The following CTNNA3 variants were observed in gnomAD, a reference collection of about 807,000 sequenced individuals.
CTNNA3 encodes catenin alpha 3.
CTNNA3 carries 76 observed loss-of-function variants against 95.7 expected under a neutral mutation model. The ratio of observed to expected loss-of-function variants is 0.79; its 90% CI spans 0.66 to 0.96. The LOEUF is 0.96. Ranked by LOEUF, CTNNA3 falls within the 40% of genes least tolerant of loss-of-function variation. The pLI is 0.00. For missense variants in CTNNA3, 1,191 were observed against 1,089.8 expected (o/e 1.09, Z -1.31); for synonymous variants, 431 against 374.4 (o/e 1.15, Z -1.74).
chr10:66,597,549 TATATA>T (rs1564558088), intron 10 of CTNNA3, among the ~76,000 whole-genome samples: 1 of 130,482 alleles, frequency 7.7e-6, no homozygotes, highest in African/African-American at 2.8e-5. Flanking sequence ...TATATATATA[TATATA>T]TTTATTAAAA....
At chr10:66,489,771 C>T (rs1454722206) in intron 11 of CTNNA3, among the ~76,000 whole-genome samples, 1 of 152,168 alleles carries the variant, frequency 6.6e-6, no homozygotes, top group Non-Finnish European at 1.5e-5. Flanking sequence ...AGTCTCCAAA[C>T]CCACTGGATT....
At chr10:67,393,569 T>C (rs1288713212) in intron 5 of CTNNA3, among the ~76,000 whole-genome samples, 1 of 152,096 alleles carries the variant, frequency 6.6e-6, no homozygotes, top group Non-Finnish European at 1.5e-5. Flanking sequence ...TTTCTTCAGG[T>C]GATATACTAG....
intron 11 of CTNNA3, among the ~76,000 whole-genome samples, chr10:66,395,044 A>G (rs1056870902): frequency 3.3e-5 from 5 of 152,038 alleles, no homozygotes; most frequent in Admixed American, 3.3e-4. Flanking sequence ...ATAAGTATAT[A>G]CACAGCTCAA....
chr10:66,832,177 C>G (rs942346249), intron 7 of CTNNA3, among the ~76,000 whole-genome samples: 1 of 152,190 alleles, frequency 6.6e-6, no homozygotes, highest in Non-Finnish European at 1.5e-5. Context: ...AAACTACACT[C>G]ATTTTGGCAG....
intron 5 of CTNNA3, among the ~76,000 whole-genome samples, chr10:67,359,039 A>G (rs1842911855): frequency 6.6e-6 from 1 of 152,126 alleles, no homozygotes; most frequent in South Asian, 2.1e-4. Flanking sequence ...CCTAGATGAC[A>G]CCACGAAAAC....
chr10:67,685,661 G>T (rs1840716961), intron 1 of CTNNA3, among the ~76,000 whole-genome samples: 1 of 152,228 alleles, frequency 6.6e-6, no homozygotes, highest in East Asian at 1.9e-4. Context: ...GAGTGTTATA[G>T]GGTTACAGAG....
At chr10:66,929,762 G>A (rs1409435429) in intron 7 of CTNNA3, among the ~76,000 whole-genome samples, 2 of 152,218 alleles carry the variant, frequency 1.3e-5, no homozygotes, top group Non-Finnish European at 2.9e-5. Context: ...CTGCATGCAT[G>A]TTTTTATGTC....
At chr10:66,417,695 G>A (rs190564284) in intron 11 of CTNNA3, among the ~76,000 whole-genome samples, 4 of 151,712 alleles carry the variant, frequency 2.6e-5, no homozygotes, top group African/African-American at 4.8e-5. Context: ...GATCACAGTG[G>A]AATAAAACAA....
intron 1 of CTNNA3, among the ~76,000 whole-genome samples, chr10:67,705,520 T>C (rs1841072680): frequency 6.7e-6 from 1 of 148,442 alleles, no homozygotes; most frequent in Non-Finnish European, 1.5e-5. Context: ...CAGTAAACTA[T>C]CGCAAGAACA....
chr10:67,066,146 C>T (rs182511006), intron 7 of CTNNA3, among the ~76,000 whole-genome samples: 216 of 150,636 alleles, frequency 1.4e-3, no homozygotes, highest in Middle Eastern at 3.6e-3. Context: ...ATACCATCAC[C>T]AGTGCTCGTT....
At chr10:67,512,466 G>T (rs375799875) in intron 5 of CTNNA3, among the ~76,000 whole-genome samples, 1 of 152,204 alleles carries the variant, frequency 6.6e-6, no homozygotes, top group African/African-American at 2.4e-5. Context: ...ATTCATGATA[G>T]TCAAGGTATA....
chr10:66,100,345 T>A (rs2081571201), intron 14 of CTNNA3, among the ~76,000 whole-genome samples: 1 of 152,156 alleles, frequency 6.6e-6, no homozygotes. Context: ...ACTGAGCAGT[T>A]ATCAGAGGGA....
chr10:67,190,483 T>C (rs1343623633), intron 6 of CTNNA3, among the ~76,000 whole-genome samples: 1 of 151,938 alleles, frequency 6.6e-6, no homozygotes, highest in Non-Finnish European at 1.5e-5. Flanking sequence ...AAGTTTTAAT[T>C]TTTTAATAAC....
At chr10:67,372,679 T>G (rs1843524739) in intron 5 of CTNNA3, among the ~76,000 whole-genome samples, 1 of 152,120 alleles carries the variant, frequency 6.6e-6, no homozygotes, top group Non-Finnish European at 1.5e-5. Context: ...AATTGTCAGA[T>G]TCACCAAAGT....
chr10:67,598,898 T>C (rs1291929307), intron 3 of CTNNA3, among the ~76,000 whole-genome samples: 4 of 152,112 alleles, frequency 2.6e-5, no homozygotes, highest in Admixed American at 2.6e-4. Context: ...CATGAATTTT[T>C]CTAAAATTGG....
At chr10:66,540,418 A>T (rs548410420) in intron 10 of CTNNA3, among the ~76,000 whole-genome samples, 1 of 152,258 alleles carries the variant, frequency 6.6e-6, no homozygotes, top group African/African-American at 2.4e-5. Context: ...GTACAGGAGG[A>T]CCACTTGGCC....
chr10:66,928,250 A>G, intron 7 of CTNNA3: 1 of 1,614,152 alleles, frequency 6.2e-7, no homozygotes, highest in South Asian at 1.1e-5. Flanking sequence ...TGGAAGCGGT[A>G]CCCTGCGAGC....
intron 7 of CTNNA3, among the ~76,000 whole-genome samples, chr10:67,152,329 G>A (rs1241747035): frequency 2.0e-5 from 3 of 152,110 alleles, no homozygotes; most frequent in Admixed American, 2.0e-4. Flanking sequence ...GTACTTTTTT[G>A]TATTTAAGAA....
chr10:66,858,532 T>C (rs1462148890), intron 7 of CTNNA3, among the ~76,000 whole-genome samples: 1 of 152,050 alleles, frequency 6.6e-6, no homozygotes, highest in Non-Finnish European at 1.5e-5. Flanking sequence ...CATCTGGTCC[T>C]GGGCTTTTTC....
Sources: allele counts gnomAD v4.1 joint callset (sites outside exome capture counted in the v4.1 genomes callset), GRCh38; gene constraint gnomAD v4.1.1; transcripts MANE v1.5; gene names NCBI Gene and HGNC (gene_info 2026-07-23, HGNC 2026-07-21).